KLF12: variants seen among roughly 807,000 people sequenced by gnomAD.
KLF12 encodes the protein KLF transcription factor 12, also known as Krueppel-like factor 12.
KLF12 carries 9 observed loss-of-function variants against 37.8 expected under a neutral mutation model. The observed-to-expected ratio is 0.24, with a 90% confidence interval of 0.14 to 0.42. The LOEUF is 0.42. Among genes scored for constraint, KLF12 ranks in the 10% least tolerant of loss-of-function variants. The pLI is 1.00. For missense variants in KLF12, 411 were observed against 516.0 expected, an observed-to-expected ratio of 0.80 and a Z score of 1.97; for synonymous variants, 208 against 202.1, an observed-to-expected ratio of 1.03 and a Z score of -0.25.
chr13:74,293,321 T>TC, the KLF12 span, among the ~76,000 whole-genome samples: 1 of 152,036 alleles, frequency 6.6e-6, no homozygotes, highest in Non-Finnish European at 1.5e-5. Flanking sequence ...TACTATTTTT[T>TC]CCCCCTTCAA....
At chr13:73,974,030 TTAA>T (rs1891426997) in intron 2 of KLF12, among the ~76,000 whole-genome samples, 1 of 151,862 alleles carries the variant, frequency 6.6e-6, no homozygotes, top group South Asian at 2.1e-4. Flanking sequence ...AAAAATTGAA[TTAA>T]TAATGTAGAA....
intron 3 of KLF12, among the ~76,000 whole-genome samples, chr13:73,934,630 C>T (rs373383323): frequency 6.6e-6 from 1 of 151,848 alleles, no homozygotes; most frequent in Non-Finnish European, 1.5e-5. Context: ...ATTTTTTGCC[C>T]CCTGGCTGCT....
At chr13:73,915,330 C>G (rs1888766303) in intron 3 of KLF12, among the ~76,000 whole-genome samples, 1 of 152,124 alleles carries the variant, frequency 6.6e-6, no homozygotes. Flanking sequence ...GTGACATGCA[C>G]AGGTTCCAGA....
At chr13:74,294,456 C>T in the KLF12 span, among the ~76,000 whole-genome samples, 4 of 152,070 alleles carry the variant, frequency 2.6e-5, no homozygotes, top group East Asian at 3.9e-4. Flanking sequence ...GCAACCTCTG[C>T]CCCCTGGGTT....
intron 1 of KLF12, among the ~76,000 whole-genome samples, chr13:74,125,301 T>C (rs776974016): frequency 2.6e-5 from 4 of 152,148 alleles, no homozygotes; most frequent in African/African-American, 4.8e-5. Flanking sequence ...ATTTCCCAGA[T>C]AGAAACAATT....
chr13:74,247,077 C>A, the KLF12 span, among the ~76,000 whole-genome samples: 16 of 152,066 alleles, frequency 1.1e-4, no homozygotes, highest in African/African-American at 3.9e-4. Context: ...AATTTTGAAG[C>A]AGTAAGCTTC....
chr13:73,917,451 T>C (rs1888902326), intron 3 of KLF12, among the ~76,000 whole-genome samples: 2 of 152,180 alleles, frequency 1.3e-5, no homozygotes, highest in Non-Finnish European at 2.9e-5. Flanking sequence ...TAAATACCTA[T>C]GTTTTTGTAC....
chr13:74,114,074 C>A (rs980927157), intron 1 of KLF12, among the ~76,000 whole-genome samples: 1 of 152,134 alleles, frequency 6.6e-6, no homozygotes, highest in African/African-American at 2.4e-5. Flanking sequence ...TGCAATCTCA[C>A]AATAAAACTT....
intron 1 of KLF12, among the ~76,000 whole-genome samples, chr13:74,008,387 T>C (rs1460941284): frequency 6.6e-6 from 1 of 152,176 alleles, no homozygotes; most frequent in Non-Finnish European, 1.5e-5. Context: ...TGGTATTCCA[T>C]CCATCTCATA....
At chr13:74,134,829 C>T (rs1350906358), upstream of KLF12, among the ~76,000 whole-genome samples, 4 of 151,900 alleles carry the variant, frequency 2.6e-5, no homozygotes, top group Non-Finnish European at 5.9e-5. Flanking sequence ...GCTTGGGCCC[C>T]CACCCCTCGC....
intron 6 of KLF12, among the ~76,000 whole-genome samples, chr13:73,740,197 G>A (rs547116703): frequency 4.5e-4 from 69 of 152,332 alleles, no homozygotes; most frequent in African/African-American, 1.5e-3. Flanking sequence ...GAGCCCTCAT[G>A]AGTATTAGTG....
intron 3 of KLF12, among the ~76,000 whole-genome samples, chr13:73,902,038 A>T (rs758125896): frequency 6.6e-6 from 1 of 152,234 alleles, no homozygotes; most frequent in Non-Finnish European, 1.5e-5. Flanking sequence ...AATAGAACTG[A>T]TTCACCTATA....
At chr13:74,098,808 T>C (rs1876132514) in intron 1 of KLF12, among the ~76,000 whole-genome samples, 1 of 152,226 alleles carries the variant, frequency 6.6e-6, no homozygotes, top group Non-Finnish European at 1.5e-5. Flanking sequence ...GCTAACTAGT[T>C]TATGTAGCAT....
intron 5 of KLF12, among the ~76,000 whole-genome samples, chr13:73,790,917 A>C (rs1275261039): frequency 6.6e-6 from 1 of 152,228 alleles, no homozygotes; most frequent in East Asian, 1.9e-4. Flanking sequence ...CTTCCATGAA[A>C]GTCTCCCCTG....
chr13:73,951,806 C>T (rs1440649637), intron 2 of KLF12, among the ~76,000 whole-genome samples: 1 of 152,202 alleles, frequency 6.6e-6, no homozygotes. Context: ...GCATTCTATT[C>T]CATCACAGTA....
intron 1 of KLF12, among the ~76,000 whole-genome samples, chr13:74,070,319 C>T (rs1248133463): frequency 1.3e-5 from 2 of 152,168 alleles, no homozygotes; most frequent in African/African-American, 2.4e-5. Context: ...AGCAGGTAAA[C>T]GACCACTAGC....
chr13:74,181,712 C>CAAAAAAAAAAAAA, the KLF12 span, among the ~76,000 whole-genome samples: 1 of 105,820 alleles, frequency 9.5e-6, no homozygotes. Context: ...AAAAAAAAAA[C>CAAAAAAAAAAAAA]AAAAAAAAAA....
chr13:74,017,981 G>C (rs2138405734), intron 1 of KLF12, among the ~76,000 whole-genome samples: 1 of 152,172 alleles, frequency 6.6e-6, no homozygotes, highest in South Asian at 2.1e-4. Context: ...GTGCATGCCA[G>C]CTCCACTCTA....
intron 3 of KLF12, among the ~76,000 whole-genome samples, chr13:73,858,494 T>G (rs1262841590): frequency 6.6e-6 from 1 of 152,200 alleles, no homozygotes; most frequent in Non-Finnish European, 1.5e-5. Context: ...CCGGGTGATT[T>G]ACTGGGCGAA....
Sources: allele counts gnomAD v4.1 joint callset (sites outside exome capture counted in the v4.1 genomes callset), GRCh38; gene constraint gnomAD v4.1.1; transcripts MANE v1.5; gene names NCBI Gene and HGNC (gene_info 2026-07-23, HGNC 2026-07-21).